MAPK6: variants seen among roughly 807,000 people sequenced by gnomAD.
MAPK6 encodes the protein mitogen-activated protein kinase 6, also known as ERK-3.
Under a neutral mutation model 59.3 loss-of-function variants are expected in MAPK6, and 19 were observed. The observed-to-expected ratio is 0.32, with a 90% CI of 0.22 to 0.47. MAPK6 has a LOEUF of 0.47. MAPK6 is among the 20% of genes least tolerant of loss of function. The pLI, the probability that MAPK6 is intolerant of heterozygous loss-of-function variation, is 1.00. For missense variants in MAPK6, 724 were observed against 847.9 expected (o/e 0.85, Z 1.81); for synonymous variants, 316 against 290.3 (o/e 1.09, Z -0.90).
At chr15:52,035,860 C>A (rs1689507068) in intron 1 of MAPK6, among the ~76,000 whole-genome samples, 1 of 152,060 alleles carries the variant, frequency 6.6e-6, no homozygotes, top group Non-Finnish European at 1.5e-5. Flanking sequence ...TTGACTTTTT[C>A]TCTGATTTAG....
At chr15:51,995,772 AC>A (rs2057222343) in intron 2 of MAPK6, among the ~76,000 whole-genome samples, 1 of 152,130 alleles carries the variant, frequency 6.6e-6, no homozygotes, top group Non-Finnish European at 1.5e-5. Context: ...TACTAAAAAT[AC>A]AAAAATTAGC....
intron 1 of MAPK6, among the ~76,000 whole-genome samples, chr15:52,022,756 C>T (rs1335710917): frequency 1.3e-5 from 2 of 151,926 alleles, no homozygotes; most frequent in African/African-American, 4.8e-5. Flanking sequence ...AGAGGTTTAA[C>T]GTATTTTCGG....
At position 52,046,880 on chromosome 15, in the gene MAPK6, C is replaced by G; in HGVS notation, c.420C>G (p.Leu140=). 6.2e-7 allele frequency: 1 copy of G among 1,613,992 alleles called. No individual in the cohort carries two copies. The highest frequency in any genetic ancestry group is 8.5e-7 in the Non-Finnish European group (1 of 1,179,994). ...RLFMYQLLRG[L]KYIHSANVLH... is the part of the protein sequence containing the mutation. The stretch of plus-strand genomic sequence containing the variant: ...TCATGTATCAGCTGCTACGGGGGCT[C>G]AAGTATATTCACTCTGCAAATGTAC... Residue 140 remains leucine (L), a synonymous_variant, in exon 2 of 6, where the codon CTC becomes CTG. Transcript: ENST00000261845.
At chr15:52,004,089 T>A (rs2057250487) in intron 2 of MAPK6, 1 of 152,190 alleles carries the variant, frequency 6.6e-6, no homozygotes, top group Admixed American at 6.5e-5. Context: ...AATTGGTCTG[T>A]GGAGATGTGA....
chr15:52,012,980 C>T (rs1238388609), intron 3 of MAPK6, among the ~76,000 whole-genome samples: 1 of 97,448 alleles, frequency 1.0e-5, no homozygotes, highest in Non-Finnish European at 1.9e-5. Context: ...GAGTGAGACT[C>T]CGCCTGGAAA....
chr15:52,002,314 C>G (rs7163418), intron 2 of MAPK6, among the ~76,000 whole-genome samples: 127,920 of 152,172 alleles, frequency 0.84, 54,461 homozygotes, highest in Non-Finnish European at 0.91. Flanking sequence ...CCGCCACCTT[C>G]TGCCAGGGGT....
chr15:51,997,925 CTTTCTTTCTT>C (rs2057230130), intron 2 of MAPK6, among the ~76,000 whole-genome samples: 2 of 123,298 alleles, frequency 1.6e-5, no homozygotes, highest in South Asian at 4.5e-4. Flanking sequence ...CTTTCTTTCT[CTTTCTTTCTT>C]TCTTTCTTTC....
At chr15:52,031,247 G>C (rs2031022102) in intron 1 of MAPK6, among the ~76,000 whole-genome samples, 1 of 152,100 alleles carries the variant, frequency 6.6e-6, no homozygotes, top group African/African-American at 2.4e-5. Flanking sequence ...GAAGGTCTTT[G>C]TCTATAGGAA....
intron 2 of MAPK6, among the ~76,000 whole-genome samples, chr15:51,992,291 C>A (rs7178310): frequency 1.9e-3 from 209 of 108,374 alleles, no homozygotes; most frequent in East Asian, 5.7e-3. Flanking sequence ...ATCTATCTAT[C>A]TATATATATA....
At chr15:52,058,528 T>C (rs938752241) in intron 3 of MAPK6, 105 bp from the exon 4 acceptor site, 40 of 942,512 alleles carry the variant, frequency 4.2e-5, no homozygotes, top group Non-Finnish European at 5.4e-5. Context: ...CAATTCAAAC[T>C]TTTCCCCCCA....
At chr15:51,976,563 TCTG>T (rs1278338992) in intron 1 of MAPK6, among the ~76,000 whole-genome samples, 2 of 151,696 alleles carry the variant, frequency 1.3e-5, no homozygotes, top group Non-Finnish European at 2.9e-5. Flanking sequence ...GAGAGAAAAA[TCTG>T]CTGGCATATG....
intron 1 of MAPK6, among the ~76,000 whole-genome samples, chr15:52,024,030 A>T (rs2030653815): frequency 6.6e-6 from 1 of 152,182 alleles, no homozygotes; most frequent in African/African-American, 2.4e-5. Context: ...ATTTTCGTTA[A>T]ATTTGGTATT....
chr15:52,060,580 G>A (rs2032161371), intron 4 of MAPK6, among the ~76,000 whole-genome samples: 1 of 152,162 alleles, frequency 6.6e-6, no homozygotes, highest in African/African-American at 2.4e-5. Context: ...CAGGGTTGAA[G>A]GTTGATATCA....
chr15:52,053,847 C>T (rs1057164930), intron 3 of MAPK6, among the ~76,000 whole-genome samples: 2 of 151,788 alleles, frequency 1.3e-5, no homozygotes, highest in African/African-American at 2.4e-5. Context: ...CCACGTTGGT[C>T]AGGCTGATCT....
At chr15:51,996,654 C>G (rs2057225100) in intron 2 of MAPK6, among the ~76,000 whole-genome samples, 3 of 151,944 alleles carry the variant, frequency 2.0e-5, no homozygotes, top group Non-Finnish European at 1.5e-5. Flanking sequence ...TCTGGGCCTC[C>G]CAAAGCACTA....
At chr15:51,977,178 A>C (rs1264627322) in intron 1 of MAPK6, among the ~76,000 whole-genome samples, 1 of 150,934 alleles carries the variant, frequency 6.6e-6, no homozygotes, top group Non-Finnish European at 1.5e-5. Context: ...AATTTTTTGT[A>C]TTTTGGTAGA....
chr15:52,053,963 C>T (rs963811478), intron 3 of MAPK6, among the ~76,000 whole-genome samples: 2 of 151,926 alleles, frequency 1.3e-5, no homozygotes, highest in African/African-American at 4.8e-5. Flanking sequence ...TTCTGAAGTC[C>T]AGTTACCTTT....
At position 51,988,305 on chromosome 15, in the gene MAPK6, A is replaced by G. The variant is rs778906782; in HGVS notation, c.-770+4990A>G. The stretch of plus-strand genomic sequence containing the variant: ...AAGAAAGAATAAAATGGGAGTTTTA[A>G]TACATATATAGGCTAAAAAAGGAGA... On this transcript the variant is annotated intron_variant, in intron 2 of 7. Coordinates refer to the MAPK6 transcript ENST00000691380. Among the ~76,000 whole-genome samples the G allele has an allele frequency of 3.3e-4, 50 of 151,972 alleles. 1 individual carries two copies. Among genetic ancestry groups the G allele is most frequent in the Non-Finnish European group, 1.3e-4 (9 of 67,972 alleles).
At chr15:52,012,137 T>A (rs777696174) in intron 3 of MAPK6, among the ~76,000 whole-genome samples, 4 of 152,216 alleles carry the variant, frequency 2.6e-5, no homozygotes, top group Non-Finnish European at 4.4e-5. Context: ...TGGTTTTAGA[T>A]CTGAAATCCA....
Sources: allele counts gnomAD v4.1 joint callset (sites outside exome capture counted in the v4.1 genomes callset), GRCh38; gene constraint gnomAD v4.1.1; transcripts MANE v1.5; gene names NCBI Gene and HGNC (gene_info 2026-07-23, HGNC 2026-07-21).